The following SMOC1 variants were observed in gnomAD, a reference collection of about 807,000 sequenced individuals.
SMOC1 encodes the protein SPARC-related modular calcium-binding protein 1.
In SMOC1, 22 loss-of-function variants were observed where a neutral mutation model predicts 56.3. The ratio of observed to expected loss-of-function variants is 0.39; its 90% CI spans 0.28 to 0.56. The LOEUF is 0.56. Ranked by LOEUF, SMOC1 falls within the 20% of genes least tolerant of loss-of-function variation. The pLI is 0.61. For missense variants in SMOC1, 509 were observed against 565.4 expected (o/e 0.90, Z 1.01); for synonymous variants, 193 against 215.0 (o/e 0.90, Z 0.89).
chr14:69,901,699 G>T (rs753516601), intron 1 of SMOC1, among the ~76,000 whole-genome samples: 7 of 152,240 alleles, frequency 4.6e-5, no homozygotes, highest in Non-Finnish European at 7.3e-5. Flanking sequence ...AGTGCATATT[G>T]CAAAAGGCTT....
intron 1 of SMOC1, among the ~76,000 whole-genome samples, chr14:69,900,631 G>A (rs1884219401): frequency 6.6e-6 from 1 of 152,342 alleles, no homozygotes; most frequent in African/African-American, 2.4e-5. Context: ...GACCTGAGAT[G>A]CTTACTTCAG....
chr14:69,949,817 C>CGG (rs1376461750), intron 1 of SMOC1, among the ~76,000 whole-genome samples: 2 of 152,060 alleles, frequency 1.3e-5, no homozygotes, highest in Non-Finnish European at 2.9e-5. Flanking sequence ...CTCACCAGGC[C>CGG]GGGGAGACGA....
At chr14:69,902,291 A>T (rs370509529) in intron 1 of SMOC1, among the ~76,000 whole-genome samples, 15 of 152,346 alleles carry the variant, frequency 9.8e-5, no homozygotes, top group African/African-American at 3.4e-4. Flanking sequence ...GGTTTCTTAT[A>T]ATATATTGTG....
intron 11 of SMOC1, among the ~76,000 whole-genome samples, chr14:70,025,330 A>C (rs1885884530): frequency 6.6e-6 from 1 of 152,244 alleles, no homozygotes. Flanking sequence ...AAACCCAAAG[A>C]ATAGCATGGG....
chr14:69,945,106 G>A (rs1475224914), intron 1 of SMOC1, among the ~76,000 whole-genome samples: 1 of 152,114 alleles, frequency 6.6e-6, no homozygotes. Flanking sequence ...TTTTAGGTAA[G>A]GTTTGATATT....
At chr14:69,961,274 A>ATATG (rs1883366249) in intron 3 of SMOC1, among the ~76,000 whole-genome samples, 1 of 21,194 alleles carries the variant, frequency 4.7e-5, no homozygotes, top group Non-Finnish European at 1.2e-4. Context: ...TCTATTGTGT[A>ATATG]TATATATATA....
At chr14:69,993,195 G>T (rs1389229924) in intron 6 of SMOC1, among the ~76,000 whole-genome samples, 2 of 152,164 alleles carry the variant, frequency 1.3e-5, no homozygotes, top group South Asian at 2.1e-4. Context: ...GACGTTGAGA[G>T]TTGAGGCAGG....
At chr14:69,997,972 C>T (rs1304767577) in intron 7 of SMOC1, among the ~76,000 whole-genome samples, 1 of 152,140 alleles carries the variant, frequency 6.6e-6, no homozygotes, top group Non-Finnish European at 1.5e-5. Flanking sequence ...TTTTACACCC[C>T]ACACATCCTT....
At chr14:70,013,533 G>A in intron 10 of SMOC1, 42 bp downstream of exon 10, 1 of 1,578,144 alleles carries the variant, frequency 6.3e-7, no homozygotes, top group South Asian at 1.1e-5. Flanking sequence ...GAAAAATGTG[G>A]GGCCCCTGAC....
At chr14:69,921,139 C>T (rs781309244) in intron 1 of SMOC1, among the ~76,000 whole-genome samples, 5 of 152,164 alleles carry the variant, frequency 3.3e-5, no homozygotes, top group Admixed American at 1.3e-4. Flanking sequence ...GCAGGGCTGG[C>T]CAGATGCCTC....
chr14:69,956,284 A>G (rs1883182066), intron 3 of SMOC1, among the ~76,000 whole-genome samples: 1 of 152,220 alleles, frequency 6.6e-6, no homozygotes, highest in Non-Finnish European at 1.5e-5. Flanking sequence ...CATCCCAGCT[A>G]CAGTGATTGA....
chr14:69,928,287 G>C (rs567207067), intron 1 of SMOC1, among the ~76,000 whole-genome samples: 2 of 152,298 alleles, frequency 1.3e-5, no homozygotes, highest in East Asian at 3.9e-4. Context: ...AGCTATGCCG[G>C]GTCTGTGTGC....
At chr14:69,972,857 C>T (rs185841700) in intron 3 of SMOC1, among the ~76,000 whole-genome samples, 1 of 152,336 alleles carries the variant, frequency 6.6e-6, no homozygotes. Context: ...TGAACCAGCC[C>T]GTTCTCTGCA....
intron 1 of SMOC1, among the ~76,000 whole-genome samples, chr14:69,895,405 A>G (rs1399634024): frequency 1.3e-5 from 2 of 152,244 alleles, no homozygotes; most frequent in Non-Finnish European, 2.9e-5. Flanking sequence ...GTTAATAGCA[A>G]TGAGATCAAT....
At chr14:69,955,003 C>A (rs1883135035) in intron 3 of SMOC1, among the ~76,000 whole-genome samples, 1 of 152,130 alleles carries the variant, frequency 6.6e-6, no homozygotes, top group South Asian at 2.1e-4. Flanking sequence ...AATGGGCAGC[C>A]AGGCTTGATA....
intron 5 of SMOC1, among the ~76,000 whole-genome samples, chr14:69,988,873 T>G (rs1884464123): frequency 6.6e-6 from 1 of 152,270 alleles, no homozygotes; most frequent in East Asian, 1.9e-4. Flanking sequence ...TTGTCACATG[T>G]ATTAGTAATT....
At chr14:69,885,360 G>A in intron 1 of SMOC1, 2 of 1,593,574 alleles carry the variant, frequency 1.3e-6, no homozygotes, top group East Asian at 2.2e-5. Context: ...TTAGTGGCAA[G>A]TTCTTTAGCC....
intron 1 of SMOC1, among the ~76,000 whole-genome samples, chr14:69,891,533 G>A (rs1473230444): frequency 6.6e-6 from 1 of 152,244 alleles, no homozygotes; most frequent in Admixed American, 6.5e-5. Context: ...GTGTTTAACC[G>A]AAGTTGCAAT....
At chr14:70,011,062 G>A in intron 8 of SMOC1, 116 bp downstream of exon 8, 1 of 1,188,150 alleles carries the variant, frequency 8.4e-7, no homozygotes, top group African/African-American at 1.5e-5. Flanking sequence ...GGAGAGCCAT[G>A]TTTTCAATGA....
Sources: gnomAD v4.1 joint callset for allele counts (sites outside exome capture counted in the v4.1 genomes callset) on GRCh38, gnomAD v4.1.1 for gene constraint, MANE v1.5 for transcripts, NCBI Gene and HGNC (gene_info 2026-07-23, HGNC 2026-07-21) for gene names.